ADAMTSL1: variants seen among roughly 807,000 people sequenced by gnomAD.
ADAMTSL1 encodes ADAMTS-like protein 1.
ADAMTSL1 carries 126 observed loss-of-function variants against 201.8 expected under a neutral mutation model. That is an observed-to-expected ratio of 0.62 (90% CI 0.54 to 0.72). The LOEUF is 0.72. ADAMTSL1 is among the 30% of genes least tolerant of loss of function. The pLI, the probability that ADAMTSL1 is intolerant of heterozygous loss-of-function variation, is 0.00. For synonymous variants in ADAMTSL1, 1,121 were observed against 903.4 expected (o/e 1.24, Z -4.32); for missense variants, 2,679 against 2,277.8 (o/e 1.18, Z -3.59).
chr9:18,842,616 C>T (rs1366716924), intron 23 of ADAMTSL1, among the ~76,000 whole-genome samples: 1 of 152,180 alleles, frequency 6.6e-6, no homozygotes, highest in African/African-American at 2.4e-5. Context: ...TCTTGTTGAT[C>T]TGTCTAATGT....
rs952524656 is a variant in ADAMTSL1 at position 18,508,939 on chromosome 9, C to T, written c.191+3983C>T. On this transcript the variant is annotated intron_variant, in intron 2 of 28. Transcript: ENST00000380548. Reference sequence around the variant, plus strand: ...GTGGCTCACGCCTGTAATCCCAGCACTTTGGGAGGCCGAGGCGGGTGGATC... The same window carrying T: ...GTGGCTCACGCCTGTAATCCCAGCATTTTGGGAGGCCGAGGCGGGTGGATC... 2.1e-5 allele frequency among the ~76,000 whole-genome samples: 2 copies of T among 94,414 alleles called. 1 individual carries two copies. Among genetic ancestry groups the T allele is most frequent in the Non-Finnish European group, 4.5e-5 (2 of 44,144 alleles). 61.9% of individuals were successfully genotyped at this position (94,414 alleles called of 152,430 possible). A position where few individuals can be genotyped will look rare whatever the true frequency, so the allele number is the denominator to read the frequency against.
At chr9:18,550,721 T>A in intron 3 of ADAMTSL1, among the ~76,000 whole-genome samples, 1 of 151,966 alleles carries the variant, frequency 6.6e-6, no homozygotes, top group Non-Finnish European at 1.5e-5. Flanking sequence ...CATGAGATAA[T>A]AAATTTGTGT....
At chr9:18,262,958 G>C (rs891448042) in intron 2 of ADAMTSL1, among the ~76,000 whole-genome samples, 13 of 152,232 alleles carry the variant, frequency 8.5e-5, no homozygotes, top group African/African-American at 2.7e-4. Context: ...TGATTGATGA[G>C]TTAGTCTGTG....
chr9:18,101,445 C>G (rs997802923), intron 1 of ADAMTSL1, among the ~76,000 whole-genome samples: 2 of 151,500 alleles, frequency 1.3e-5, no homozygotes, highest in African/African-American at 4.9e-5. Context: ...TTGCAGTGAG[C>G]CAAGACAGCA....
At chr9:18,434,390 A>G (rs899920376) in intron 2 of ADAMTSL1, among the ~76,000 whole-genome samples, 11 of 152,198 alleles carry the variant, frequency 7.2e-5, no homozygotes, top group Middle Eastern at 3.2e-3. Flanking sequence ...GCAAATTTTT[A>G]TGGAAACCTA....
chr9:18,178,248 T>G (rs1828270839), intron 2 of ADAMTSL1, among the ~76,000 whole-genome samples: 1 of 152,094 alleles, frequency 6.6e-6, no homozygotes, highest in Non-Finnish European at 1.5e-5. Context: ...CCTTTCCTAG[T>G]CAAAGAAAGG....
chr9:18,640,591 A>G (rs762601681), intron 7 of ADAMTSL1, among the ~76,000 whole-genome samples: 18 of 152,052 alleles, frequency 1.2e-4, no homozygotes, highest in Non-Finnish European at 2.1e-4. Flanking sequence ...TGAATAACCC[A>G]TAGGCACAAC....
At chr9:18,495,920 A>G (rs1163065767) in intron 1 of ADAMTSL1, among the ~76,000 whole-genome samples, 2 of 152,194 alleles carry the variant, frequency 1.3e-5, no homozygotes, top group South Asian at 2.1e-4. Context: ...TTGAGAGACA[A>G]ATGACAAATA....
At chr9:17,989,732 T>G (rs1215903792) in intron 1 of ADAMTSL1, among the ~76,000 whole-genome samples, 1 of 151,984 alleles carries the variant, frequency 6.6e-6, no homozygotes, top group Non-Finnish European at 1.5e-5. Context: ...CTTGTTTTAA[T>G]GGGTATTTGT....
intron 9 of ADAMTSL1, among the ~76,000 whole-genome samples, chr9:18,672,343 A>T (rs573799464): frequency 1.3e-5 from 2 of 152,236 alleles, no homozygotes; most frequent in East Asian, 1.9e-4. Context: ...TCTTTCTTAG[A>T]TTTGAATTTT....
chr9:18,389,819 A>G (rs892316480), intron 2 of ADAMTSL1, among the ~76,000 whole-genome samples: 3 of 152,350 alleles, frequency 2.0e-5, no homozygotes, highest in East Asian at 1.9e-4. Context: ...ACAATCTTAT[A>G]TTTAGTGGTT....
intron 23 of ADAMTSL1, among the ~76,000 whole-genome samples, chr9:18,884,273 T>A (rs1295971265): frequency 6.6e-6 from 1 of 152,224 alleles, no homozygotes; most frequent in African/African-American, 2.4e-5. Flanking sequence ...CCGGGTTGTT[T>A]GTTAGTTATC....
In ADAMTSL1 at chr9:18,504,992, C is replaced by T. The variant is rs1270515970; in HGVS notation, c.191+36C>T. 8 of 1,578,456 alleles carry T rather than the reference C, an allele frequency of 5.1e-6. No individual in the cohort carries two copies. In the Admixed American group the frequency reaches 1.4e-4, roughly 27 times the overall value. Reference sequence around the variant, plus strand: ...CACCCGTTGGGGGTCTTTGTGAGAACCAGAGGTAGCCGGTTTGAGGCATGC... The same window carrying T: ...CACCCGTTGGGGGTCTTTGTGAGAATCAGAGGTAGCCGGTTTGAGGCATGC... On this transcript the variant is annotated intron_variant, in intron 2 of 28. Coordinates refer to ENST00000380548, the MANE Select transcript of ADAMTSL1 (RefSeq NM_001040272.6).
intron 2 of ADAMTSL1, among the ~76,000 whole-genome samples, chr9:18,404,055 A>C (rs371155539): frequency 1.3e-5 from 2 of 152,196 alleles, no homozygotes; most frequent in East Asian, 3.9e-4. Flanking sequence ...TATGGCTTAC[A>C]ATAAAATAAT....
At chr9:18,192,690 C>G (rs1587277551) in intron 2 of ADAMTSL1, among the ~76,000 whole-genome samples, 2 of 152,102 alleles carry the variant, frequency 1.3e-5, no homozygotes, top group South Asian at 4.1e-4. Context: ...TACACTTTTA[C>G]TAGACTCAAA....
At chr9:18,877,272 G>A (rs567045103) in intron 23 of ADAMTSL1, among the ~76,000 whole-genome samples, 17 of 152,162 alleles carry the variant, frequency 1.1e-4, no homozygotes, top group South Asian at 4.2e-4. Flanking sequence ...GTTTGGAGGC[G>A]TTCCTGGTGA....
chr9:18,431,527 C>G (rs530066141), intron 2 of ADAMTSL1, among the ~76,000 whole-genome samples: 1 of 152,266 alleles, frequency 6.6e-6, no homozygotes, highest in South Asian at 2.1e-4. Flanking sequence ...ATACTAGAAA[C>G]TCAAAATCTT....
chr9:18,316,537 A>G (rs1485686153), intron 2 of ADAMTSL1, among the ~76,000 whole-genome samples: 1 of 152,128 alleles, frequency 6.6e-6, no homozygotes, highest in Non-Finnish European at 1.5e-5. Flanking sequence ...TTGAAAGAAG[A>G]GAAATATGGC....
At chr9:17,942,320 C>A (rs1042774318) in intron 1 of ADAMTSL1, among the ~76,000 whole-genome samples, 1 of 152,056 alleles carries the variant, frequency 6.6e-6, no homozygotes, top group African/African-American at 2.4e-5. Flanking sequence ...ATAAAATATA[C>A]CTCATGAAAG....
Sources: gnomAD v4.1 joint callset for allele counts (sites outside exome capture counted in the v4.1 genomes callset) on GRCh38, gnomAD v4.1.1 for gene constraint, MANE v1.5 for transcripts, NCBI Gene and HGNC (gene_info 2026-07-23, HGNC 2026-07-21) for gene names.